Variants in LDAF1 observed in about 807,000 individuals in gnomAD.
LDAF1 encodes the protein PROMETHIN.
In LDAF1, 7 loss-of-function variants were observed where a neutral mutation model predicts 13.5. The ratio of observed to expected loss-of-function variants is 0.52; its 90% CI spans 0.29 to 0.97. LDAF1 has a LOEUF of 0.97. LDAF1 is among the 50% of genes least tolerant of loss of function. LDAF1 has a pLI of 0.07. For synonymous variants in LDAF1, 69 were observed against 77.1 expected, an observed-to-expected ratio of 0.89 and a Z score of 0.55; for missense variants, 148 against 193.2, an observed-to-expected ratio of 0.77 and a Z score of 1.39.
intron 2 of LDAF1, among the ~76,000 whole-genome samples, chr16:21,168,574 A>C (rs1343636891): frequency 7.0e-6 from 1 of 143,332 alleles, no homozygotes; most frequent in East Asian, 2.0e-4. Flanking sequence ...ATATATAAAT[A>C]TAATATATTT....
chr16:21,166,780 G>A, intron 2 of LDAF1: 1 of 1,453,408 alleles, frequency 6.9e-7, no homozygotes, highest in Non-Finnish European at 9.3e-7. Flanking sequence ...CAGCGCAAGG[G>A]ACCAGCCCAC....
chr16:21,179,585 C>T lies in LDAF1; in HGVS notation c.*29C>T, dbSNP rs2093166081. On this transcript the variant is annotated 3_prime_UTR_variant, in exon 5 of 5. Transcript: ENST00000233047. ...ACTGCTCAGAGGCCGGGCTTCTTTTCAAGTACTGCTGGATCATACTCACCC... is the reference window on the plus strand; with the variant it reads ...ACTGCTCAGAGGCCGGGCTTCTTTTTAAGTACTGCTGGATCATACTCACCC... 2 of 1,592,830 alleles carry T rather than the reference C, an allele frequency of 1.3e-6. No individual in the cohort carries two copies. The highest frequency in any genetic ancestry group is 8.6e-7 in the Non-Finnish European group (1 of 1,162,054).
intron 3 of LDAF1, among the ~76,000 whole-genome samples, chr16:21,171,650 C>A (rs903858578): frequency 6.6e-6 from 1 of 152,124 alleles, no homozygotes; most frequent in Non-Finnish European, 1.5e-5. Flanking sequence ...ACAACTTTGC[C>A]TCAGGGTGGG....
intron 3 of LDAF1, among the ~76,000 whole-genome samples, chr16:21,171,253 T>G (rs1323578780): frequency 6.6e-6 from 1 of 152,214 alleles, no homozygotes; most frequent in Non-Finnish European, 1.5e-5. Flanking sequence ...AAAGCAAATC[T>G]GATTTGCTCA....
In LDAF1 at chr16:21,158,750, AGAGCTCG is replaced by A. The variant is rs1172443971; in HGVS notation, c.-99+10_-99+16del. 7 of 153,138 alleles carry A rather than the reference AGAGCTCG, an allele frequency of 4.6e-5. No individual in the cohort carries two copies. The highest frequency in any genetic ancestry group is 7.3e-5 in the Non-Finnish European group (5 of 68,916). 9.5% of individuals were successfully genotyped at this position (153,138 alleles called of 1,614,324 possible). On this transcript the variant is annotated splice_donor_5th_base_variant and intron_variant, in intron 1 of 4. Transcript: ENST00000233047. ...GCTGCTCGGCGGTCAGGAGCAGGTG[AGAGCTCG>A]GAGCTTGGGGGTGGGGGTCCGGGTG...
Position 21,170,386 on chromosome 16 carries a change from C to T in LDAF1, c.97-51C>T, listed in dbSNP as rs1371699979. The stretch of plus-strand genomic sequence containing the variant: ...CACAGCTTGGGCAGATTCATTCAAC[C>T]TGGGGTTCCGATGTGTTACTTATCC... On this transcript the variant is annotated intron_variant, in intron 2 of 4. Transcript: ENST00000233047. 2.5e-6 allele frequency: 4 copies of T among 1,606,554 alleles called. No homozygotes were observed. In the African/African-American group the frequency reaches 5.4e-5, roughly 21 times the overall value.
chr16:21,159,880 G>A, intron 1 of LDAF1: 1 of 979,946 alleles, frequency 1.0e-6, no homozygotes, highest in Non-Finnish European at 1.2e-6. Flanking sequence ...TGAGATTATG[G>A]GAACTGAGTG....
intron 2 of LDAF1, among the ~76,000 whole-genome samples, chr16:21,167,268 T>A (rs1162749219): frequency 6.6e-6 from 1 of 152,202 alleles, no homozygotes; most frequent in Non-Finnish European, 1.5e-5. Context: ...GGCACATGTG[T>A]TTTGGGGACC....
At chr16:21,177,018 C>G (rs1039808220) in intron 4 of LDAF1, 3 of 151,790 alleles carry the variant, frequency 2.0e-5, no homozygotes, top group African/African-American at 7.3e-5. Context: ...TTAAAAATAT[C>G]TATTCATTTA....
intron 4 of LDAF1, chr16:21,178,509 C>T (rs1391110278): frequency 3.9e-6 from 2 of 512,260 alleles, no homozygotes; most frequent in Admixed American, 1.3e-4. Context: ...TGGAGACAGC[C>T]CAGGGCTGGT....
intron 2 of LDAF1, among the ~76,000 whole-genome samples, chr16:21,168,745 T>C (rs901140353): frequency 1.5e-5 from 2 of 133,682 alleles, no homozygotes; most frequent in Admixed American, 1.6e-4. Context: ...TATATTTTTA[T>C]TTTATATATT....
intron 2 of LDAF1, among the ~76,000 whole-genome samples, chr16:21,163,850 C>G (rs1442565194): frequency 1.0e-5 from 1 of 95,456 alleles, no homozygotes; most frequent in South Asian, 4.9e-4. Context: ...CGTTCACCTG[C>G]CTTTTTTGTT....
intron 2 of LDAF1, 137 bp from the exon 3 acceptor site, chr16:21,170,300 G>T: frequency 2.0e-6 from 3 of 1,530,050 alleles, no homozygotes; most frequent in Non-Finnish European, 2.6e-6. Context: ...ACTGCACCCG[G>T]CCTGTAGTGA....
chr16:21,167,173 C>CATGAACCACAAA (rs2093032121), intron 2 of LDAF1, among the ~76,000 whole-genome samples: 1 of 152,244 alleles, frequency 6.6e-6, no homozygotes, highest in Non-Finnish European at 1.5e-5. Context: ...GTTCCTTCAG[C>CATGAACCACAAA]ATGAACCACA....
At chr16:21,171,745 T>C (rs1242889744) in intron 3 of LDAF1, among the ~76,000 whole-genome samples, 1 of 151,940 alleles carries the variant, frequency 6.6e-6, no homozygotes, top group Non-Finnish European at 1.5e-5. Flanking sequence ...TTTAAATCTT[T>C]TTTTTTTTTC....
At chr16:21,161,668 CT>C (rs555295818) in intron 2 of LDAF1, among the ~76,000 whole-genome samples, 2 of 152,194 alleles carry the variant, frequency 1.3e-5, no homozygotes, top group Admixed American at 6.5e-5. Flanking sequence ...AGATATCATC[CT>C]TTTTTTGGTT....
At chr16:21,170,894 C>T (rs1306137877) in intron 3 of LDAF1, among the ~76,000 whole-genome samples, 2 of 152,166 alleles carry the variant, frequency 1.3e-5, no homozygotes, top group African/African-American at 2.4e-5. Context: ...TCAAATCCCA[C>T]CTCCACCACT....
At chr16:21,163,764 T>C (rs942512487) in intron 2 of LDAF1, among the ~76,000 whole-genome samples, 1 of 152,254 alleles carries the variant, frequency 6.6e-6, no homozygotes, top group Non-Finnish European at 1.5e-5. Flanking sequence ...TGACTGCATA[T>C]TTCTTGGCAC....
At chr16:21,165,959 A>G (rs950907677) in intron 2 of LDAF1, among the ~76,000 whole-genome samples, 2 of 152,126 alleles carry the variant, frequency 1.3e-5, no homozygotes, top group African/African-American at 4.8e-5. Flanking sequence ...TCCCGGGTTC[A>G]AGTGATTCTC....
Sources: gnomAD v4.1 joint callset for allele counts (sites outside exome capture counted in the v4.1 genomes callset) on GRCh38, gnomAD v4.1.1 for gene constraint, MANE v1.5 for transcripts, NCBI Gene and HGNC (gene_info 2026-07-23, HGNC 2026-07-21) for gene names.